Variants in LIG4 observed in about 807,000 individuals in gnomAD.
LIG4 encodes the protein DNA joinase.
A neutral mutation model predicts 19.0 loss-of-function variants in LIG4; 13 were observed. The observed-to-expected ratio is 0.68, with a 90% CI of 0.44 to 1.09. The LOEUF is 1.09. Ranked by LOEUF, LIG4 falls within the 50% of genes least tolerant of loss-of-function variation. LIG4 has a pLI of 0.00. For synonymous variants in LIG4, 361 were observed against 358.2 expected, an observed-to-expected ratio of 1.01 and a Z score of -0.09; for missense variants, 1,026 against 1,089.7, an observed-to-expected ratio of 0.94 and a Z score of 0.82.
In LIG4 at chr13:108,210,400, T is replaced by A. The variant is rs760962058; in HGVS notation, c.869A>T (p.Tyr290Phe). 6.2e-7 allele frequency: 1 copy of A among 1,613,698 alleles called. No homozygotes were observed. Among genetic ancestry groups the A allele is most frequent in the Non-Finnish European group, 8.5e-7 (1 of 1,179,910 alleles). ...QMHKDGDVYK[Y>F]FSRNGYNYTD... ...GTAGTTATATCCATTTCGAGAGAAG[T>A]ATTTATATACATCTCCATCTTTGTG... Residue 290 changes from tyrosine (Y) to phenylalanine (F), a missense_variant, in exon 3 of 3, where the codon TAC becomes TTC. By Grantham distance (22) the Tyr-to-Phe change is conservative (BLOSUM62 3). Around this residue, in one of 3 missense-constraint regions of LIG4, gnomAD observed 493 missense variants for 544.5 expected, o/e 0.91. Coordinates refer to ENST00000442234, the MANE Select transcript of LIG4 (RefSeq NM_206937.2).
At position 108,208,868 on chromosome 13, in the gene LIG4, A is replaced by C. The variant is rs758462531; in HGVS notation, c.2401T>G (p.Tyr801Asp). 14 of 1,614,126 alleles carry C rather than the reference A, an allele frequency of 8.7e-6. No individual in the cohort carries two copies. The highest frequency in any genetic ancestry group is 8.3e-5 in the Admixed American group (5 of 60,028). The part of the protein sequence containing the change: ...EMASLIADLE[Y>D]RYSWDCSPLS... ...GGAGAGCAATCCCAGGAATACCGAT[A>C]TTCTAAATCAGCAATCAGAGAAGCC... Residue 801 changes from tyrosine (Y) to aspartate (D), a missense_variant, in exon 3 of 3, where the codon TAT becomes GAT. By Grantham distance (160) the Tyr-to-Asp change is radical. Coordinates refer to ENST00000442234, the MANE Select transcript of LIG4 (RefSeq NM_206937.2).
chr13:108,210,516 AGCT>A lies in LIG4; in HGVS notation c.750_752del (p.Ala252del). The A allele has an allele frequency of 1.2e-6, 2 of 1,612,754 alleles. No individual in the cohort carries two copies. The highest frequency in any genetic ancestry group is 1.7e-6 in the Non-Finnish European group (2 of 1,179,922). The stretch of plus-strand genomic sequence containing the variant: ...CAATGTGCTCAATATCTGCAATAGC[AGCT>A]AGCATTGGTTTAAATGCAGAAAATA... On this transcript the variant is annotated inframe_deletion, in exon 3 of 3. Coordinates refer to ENST00000442234, the MANE Select transcript of LIG4 (RefSeq NM_206937.2).
rs1878511172 is a variant in LIG4 at position 108,210,388 on chromosome 13, T to C, written c.881A>G (p.Asn294Ser). 1 of 1,613,810 alleles carries C rather than the reference T, an allele frequency of 6.2e-7. No homozygotes were observed. Among genetic ancestry groups the C allele is most frequent in the Non-Finnish European group, 8.5e-7 (1 of 1,179,936 alleles). Residue 294 changes from asparagine to serine, a missense_variant, in exon 3 of 3, where the codon AAT becomes AGT. By Grantham distance (46) the Asn-to-Ser change is conservative (BLOSUM62 1). Coordinates refer to ENST00000442234, the MANE Select transcript of LIG4 (RefSeq NM_206937.2). ...DGDVYKYFSR[N>S]GYNYTDQFGA... The stretch of plus-strand genomic sequence containing the variant: ...AAACTGATCAGTGTAGTTATATCCA[T>C]TTCGAGAGAAGTATTTATATACATC...
chr13:108,217,800 C>A (rs948531310), upstream of LIG4, among the ~76,000 whole-genome samples: 3 of 152,056 alleles, frequency 2.0e-5, no homozygotes, highest in Non-Finnish European at 2.9e-5. Flanking sequence ...AGGCACACAT[C>A]TGTAAACAAG....
In LIG4 at chr13:108,209,554, G is replaced by C; in HGVS notation, c.1715C>G (p.Thr572Ser). ...TCGTGGAAAACGCAAGGTGCAGCCAGTTTTATACATATCACTGGGTACGAT... is the reference window on the plus strand; with the variant it reads ...TCGTGGAAAACGCAAGGTGCAGCCACTTTTATACATATCACTGGGTACGAT... ...AEIVPSDMYK[T>S]GCTLRFPRIE... The change falls in exon 3 of 3, where the codon ACT becomes AGT. Residue 572 changes from threonine to serine, a missense_variant. Coordinates refer to ENST00000442234, the MANE Select transcript of LIG4 (RefSeq NM_206937.2). 6.2e-7 allele frequency: 1 copy of C among 1,614,158 alleles called. No individual in the cohort carries two copies. Among genetic ancestry groups the C allele is most frequent in the Non-Finnish European group, 8.5e-7 (1 of 1,180,026 alleles).
rs1878590037 is a variant in LIG4 at position 108,210,934 on chromosome 13, T to C, written c.335A>G (p.Tyr112Cys). Residue 112 changes from tyrosine to cysteine, a missense_variant, in exon 3 of 3, where the codon TAC becomes TGC. Physicochemically the swap from Tyr to Cys is radical, Grantham distance 194 (BLOSUM62 -2). Transcript: ENST00000442234. ...TCCATGAGTTCCAGTGGGTGTTCTG[T>C]AGTTTAAAAGTTTGAGGGCATCTTT... is the stretch of plus-strand genomic sequence containing the variant. ...DGKDALKLLNYRTPTGTHGDA... is the reference protein window; with the variant it reads ...DGKDALKLLNCRTPTGTHGDA... The C allele has an allele frequency of 6.2e-7, 1 of 1,613,826 alleles. No homozygotes were observed. Among genetic ancestry groups the C allele is most frequent in the Non-Finnish European group, 8.5e-7 (1 of 1,179,946 alleles).
chr13:108,214,358 G>A (rs958203929), intron 2 of LIG4, among the ~76,000 whole-genome samples, 180 bp downstream of exon 2: 2 of 152,164 alleles, frequency 1.3e-5, no homozygotes, highest in Non-Finnish European at 2.9e-5. Flanking sequence ...GATCCCAAAA[G>A]TTAATGAAAG....
At position 108,208,102 on chromosome 13, in the gene LIG4, CCTAT is replaced by C. The variant is rs1269494719; in HGVS notation, c.*427_*430del. ...ACAAGTCCAGCTGTAACAATTCTAC[CCTAT>C]TTTCTTGCAGTGCTTTTATTAGATA... is the stretch of plus-strand genomic sequence containing the variant. On this transcript the variant is annotated 3_prime_UTR_variant, in exon 3 of 3. Coordinates refer to ENST00000442234, the MANE Select transcript of LIG4 (RefSeq NM_206937.2). 6.5e-6 allele frequency: 1 copy of C among 154,612 alleles called. No individual in the cohort carries two copies. Among genetic ancestry groups the C allele is most frequent in the African/African-American group, 2.4e-5 (1 of 41,444 alleles). The allele number at this position is 154,612 out of a possible 1,614,324, so 9.6% of individuals were successfully genotyped here.
chr13:108,216,182 T>C (rs1566374976), upstream of LIG4, among the ~76,000 whole-genome samples: 1 of 152,186 alleles, frequency 6.6e-6, no homozygotes, highest in Non-Finnish European at 1.5e-5. Flanking sequence ...TATTATATAG[T>C]AATGGTGCTA....
rs763832054 is a variant in LIG4 at position 108,208,955 on chromosome 13, T to A, written c.2314A>T (p.Asn772Tyr). The A allele has an allele frequency of 6.2e-7, 1 of 1,614,192 alleles. No homozygotes were observed. Among genetic ancestry groups the A allele is most frequent in the Non-Finnish European group, 8.5e-7 (1 of 1,180,030 alleles). ...CCTGAGAATACTTCCTTCAGTTGGTTCAAGTCTGTATCAATGAAATAACTA... is the reference window on the plus strand; with the variant it reads ...CCTGAGAATACTTCCTTCAGTTGGTACAAGTCTGTATCAATGAAATAACTA... ...GDSYFIDTDL[N>Y]QLKEVFSGIK... Residue 772 changes from asparagine (N) to tyrosine (Y), a missense_variant, in exon 3 of 3, where the codon AAC becomes TAC. By Grantham distance (143) the Asn-to-Tyr change is moderately radical. Transcript: ENST00000442234.
chr13:108,215,107 C>T, intron 1 of LIG4, among the ~76,000 whole-genome samples: 1 of 87,788 alleles, frequency 1.1e-5, no homozygotes, highest in East Asian at 3.5e-4. Context: ...ACCTGCCACC[C>T]CACGTAAACC....
At position 108,208,870 on chromosome 13, in the gene LIG4, T is replaced by C. The variant is rs149457381; in HGVS notation, c.2399A>G (p.Glu800Gly). The C allele has an allele frequency of 5.0e-6, 8 of 1,613,964 alleles. No individual in the cohort carries two copies. The African/African-American group carries it at 9.3e-5, about 19-fold the overall frequency. Residue 800 changes from glutamate (E) to glycine (G), a missense_variant, in exon 3 of 3, where the codon GAA (glutamate) becomes GGA (glycine). Glu to Gly is a moderately conservative substitution (Grantham distance 98, BLOSUM62 -2). Transcript: ENST00000442234. ...AGAGCAATCCCAGGAATACCGATAT[T>C]CTAAATCAGCAATCAGAGAAGCCAT... Reference protein sequence around the residue: ...EEMASLIADLEYRYSWDCSPL... With the variant: ...EEMASLIADLGYRYSWDCSPL...
rs778998772 is a variant in LIG4 at position 108,208,733 on chromosome 13, G to A, written c.2536C>T (p.Arg846Trp). 3.1e-6 allele frequency: 5 copies of A among 1,614,006 alleles called. No individual in the cohort carries two copies. The highest frequency in any genetic ancestry group is 3.4e-6 in the Non-Finnish European group (4 of 1,180,044). The change falls in exon 3 of 3, where the codon CGG becomes TGG. Residue 846 changes from arginine (R) to tryptophan (W), a missense_variant. Around this residue, in one of 3 missense-constraint regions of LIG4, gnomAD observed 521 missense variants for 515.5 expected, o/e 1.01. Transcript: ENST00000442234. ...GAAACTACTTTTGCTCCATGAAACC[G>A]AAGCTCCAAGGCTTTAATAGCTAAC... is the stretch of plus-strand genomic sequence containing the variant. The part of the protein sequence containing the change: ...TRLAIKALEL[R>W]FHGAKVVSCL...
chr13:108,210,774 G>A lies in LIG4; in HGVS notation c.495C>T (p.Asp165=), dbSNP rs1566366914. 1 of 1,613,780 alleles carries A rather than the reference G, an allele frequency of 6.2e-7. No homozygotes were observed. ...GTTGAAGAAGGCTCTTTTTTATTAG[G>A]TCTTTTCTTTTAGCAGAATTATTGC... is the stretch of plus-strand genomic sequence containing the variant. ...IASNNSAKRK[D]LIKKSLLQLI... The change falls in exon 3 of 3, where the codon GAC becomes GAT. Residue 165 remains aspartate, a synonymous_variant. Transcript: ENST00000442234.
Position 108,214,479 on chromosome 13 carries a change from C to T in LIG4, c.-29+59G>A, listed in dbSNP as rs41315050. On this transcript the variant is annotated intron_variant, in intron 2 of 2. Coordinates refer to ENST00000442234, the MANE Select transcript of LIG4 (RefSeq NM_206937.2). The stretch of plus-strand genomic sequence containing the variant: ...TGGAAAATCCCTAAGGAGTCTACAT[C>T]ATTCCTCTGCCCGTTCCCCCTACTC... 541 of 152,348 alleles carry T rather than the reference C, an allele frequency of 3.6e-3. 6 individuals are homozygous for T. The highest frequency in any genetic ancestry group is 5.5e-3 in the Non-Finnish European group (374 of 68,086). The allele number at this position is 152,348 out of a possible 1,614,324, so 9.4% of individuals were successfully genotyped here. A position where few individuals can be genotyped will look rare whatever the true frequency, so the allele number is the denominator to read the frequency against.
upstream of LIG4, among the ~76,000 whole-genome samples, chr13:108,215,791 C>T (rs1375361189): frequency 1.3e-5 from 2 of 151,982 alleles, no homozygotes; most frequent in African/African-American, 4.8e-5. Flanking sequence ...TCGAGGGAGA[C>T]CTAAGATCAC....
At chr13:108,212,214 A>AGGG (rs148966471) in intron 2 of LIG4, among the ~76,000 whole-genome samples, 4 of 151,416 alleles carry the variant, frequency 2.6e-5, no homozygotes, top group African/African-American at 9.8e-5. Context: ...AAAGAAAAAA[A>AGGG]GGGGGGGAGT....
Position 108,211,033 on chromosome 13 carries a change from C to T in LIG4, c.236G>A (p.Arg79Lys). The T allele has an allele frequency of 1.2e-6, 2 of 1,601,468 alleles. No homozygotes were observed. The highest frequency in any genetic ancestry group is 1.7e-6 in the Non-Finnish European group (2 of 1,175,306). Reference sequence around the variant, plus strand: ...AGTTTCTTTAATTCCATAGGCCATTCTCTCTCTTTCTAGCTGAGGAAGAAT... The same window carrying T: ...AGTTTCTTTAATTCCATAGGCCATTTTCTCTCTTTCTAGCTGAGGAAGAAT... ...RLILPQLERE[R>K]MAYGIKETML... The change falls in exon 3 of 3, where the codon AGA becomes AAA. Residue 79 changes from arginine to lysine, a missense_variant. By Grantham distance (26) the Arg-to-Lys change is conservative. Around this residue, in one of 3 missense-constraint regions of LIG4, gnomAD observed 493 missense variants for 544.5 expected, o/e 0.91. Transcript: ENST00000442234.
chr13:108,211,290 CGTT>C lies in LIG4; in HGVS notation c.-25_-23del, dbSNP rs1157712888. On this transcript the variant is annotated 5_prime_UTR_variant, in exon 3 of 3. Coordinates refer to ENST00000442234, the MANE Select transcript of LIG4 (RefSeq NM_206937.2). ...CCATCAAAGCGGTGATGAATCTTCT[CGTT>C]TAACTAGTAAAGCAAAAAGAGAATA... 1.3e-6 allele frequency: 2 copies of C among 1,551,876 alleles called. No individual in the cohort carries two copies. The highest frequency in any genetic ancestry group is 1.8e-6 in the Non-Finnish European group (2 of 1,126,602).
Sources: gnomAD v4.1 joint callset for allele counts (sites outside exome capture counted in the v4.1 genomes callset) on GRCh38, gnomAD v4.1.1 for gene constraint, gnomAD v4.1.1 regional missense constraint, MANE v1.5 for transcripts, NCBI Gene and HGNC (gene_info 2026-07-23, HGNC 2026-07-21) for gene names.